Variants in AVEN observed in about 807,000 individuals in gnomAD.
AVEN encodes the protein apoptosis and caspase activation inhibitor.
In AVEN, 41 loss-of-function variants were observed where a neutral mutation model predicts 38.1. The observed-to-expected ratio is 1.08, with a 90% CI of 0.84 to 1.40. AVEN has a LOEUF of 1.40. Ranked by LOEUF, AVEN falls within the 40% of genes most tolerant of loss-of-function variation. AVEN has a pLI of 0.00. For missense variants in AVEN, 605 were observed against 438.8 expected, an observed-to-expected ratio of 1.38 and a Z score of -3.38; for synonymous variants, 206 against 171.8, an observed-to-expected ratio of 1.20 and a Z score of -1.56.
At chr15:34,040,525 C>T (rs1374908891), upstream of AVEN, among the ~76,000 whole-genome samples, 2 of 152,202 alleles carry the variant, frequency 1.3e-5, no homozygotes, top group African/African-American at 2.4e-5. Context: ...ATTCTACATA[C>T]TTCTCATATC....
At position 33,866,498 on chromosome 15, in the gene AVEN, G is replaced by C; in HGVS notation, c.*115C>G. 1 of 705,366 alleles carries C rather than the reference G, an allele frequency of 1.4e-6. No homozygotes were observed. Among genetic ancestry groups the C allele is most frequent in the South Asian group, 1.8e-5 (1 of 55,298 alleles). 43.7% of individuals were successfully genotyped at this position (705,366 alleles called of 1,614,324 possible). A position where few individuals can be genotyped will look rare whatever the true frequency, so the allele number is the denominator to read the frequency against. ...AGGCATTTACTGCTGTGAGCATAATGGAACACACTAGCTTGAGACATGCTT... is the reference window on the plus strand; with the variant it reads ...AGGCATTTACTGCTGTGAGCATAATCGAACACACTAGCTTGAGACATGCTT... On this transcript the variant is annotated 3_prime_UTR_variant, in exon 6 of 6. Transcript: ENST00000306730.
At chr15:33,912,989 G>A (rs1042422009) in intron 2 of AVEN, among the ~76,000 whole-genome samples, 2 of 151,176 alleles carry the variant, frequency 1.3e-5, no homozygotes, top group South Asian at 2.1e-4. Flanking sequence ...TCCTGGGTTC[G>A]AGTGATTCTC....
chr15:33,864,859 A>G, downstream of AVEN: 1 of 387,370 alleles, frequency 2.6e-6, no homozygotes, highest in Non-Finnish European at 4.6e-6. Context: ...ATCTTTAAGT[A>G]TGTTTAGTGG....
intron 2 of AVEN, among the ~76,000 whole-genome samples, chr15:33,937,451 T>C (rs994045321): frequency 1.3e-5 from 2 of 150,982 alleles, no homozygotes; most frequent in East Asian, 3.9e-4. Context: ...GAGAACGGCA[T>C]GAACCTGGGA....
intron 2 of AVEN, among the ~76,000 whole-genome samples, chr15:33,971,724 T>C (rs1228336134): frequency 6.6e-6 from 1 of 152,120 alleles, no homozygotes; most frequent in African/African-American, 2.4e-5. Flanking sequence ...ATTTTTTTCA[T>C]TCCATTATAA....
intron 1 of AVEN, among the ~76,000 whole-genome samples, chr15:34,035,774 G>A (rs1317765217): frequency 7.3e-6 from 1 of 136,180 alleles, no homozygotes; most frequent in African/African-American, 2.4e-5. Context: ...GCAGTGATAG[G>A]GGGATTATTT....
In AVEN at chr15:33,995,539, A is replaced by G. The variant is rs143803183; in HGVS notation, c.445+7493T>C. ...ACCATCCCTCTTGGATACCAAGGGAAAACTTTTGAGTCCTTAAGTCCTCAA... is the reference window on the plus strand; with the variant it reads ...ACCATCCCTCTTGGATACCAAGGGAGAACTTTTGAGTCCTTAAGTCCTCAA... On this transcript the variant is annotated intron_variant, in intron 2 of 5. Coordinates refer to ENST00000306730, the MANE Select transcript of AVEN (RefSeq NM_020371.3). Among the ~76,000 whole-genome samples, 8 of 152,298 alleles carry G rather than the reference A, an allele frequency of 5.3e-5. No individual in the cohort carries two copies. The East Asian group carries it at 1.5e-3, about 29-fold the overall frequency.
intron 1 of AVEN, among the ~76,000 whole-genome samples, chr15:34,018,029 C>T (rs2140699869): frequency 6.6e-6 from 1 of 152,280 alleles, no homozygotes; most frequent in South Asian, 2.1e-4. Context: ...CTACATAATA[C>T]TGACAATGAT....
intron 1 of AVEN, among the ~76,000 whole-genome samples, chr15:34,013,586 T>C (rs1258802037): frequency 6.6e-6 from 1 of 152,182 alleles, no homozygotes; most frequent in Non-Finnish European, 1.5e-5. Context: ...GGATCAGGCA[T>C]TGGGAATACA....
At chr15:33,864,562 T>G (rs553719106), downstream of AVEN, among the ~76,000 whole-genome samples, 1 of 151,248 alleles carries the variant, frequency 6.6e-6, no homozygotes, top group African/African-American at 2.4e-5. Context: ...AACGACCTCA[T>G]GTGTGGGTGA....
downstream of AVEN, chr15:33,858,037 C>A: frequency 1.6e-6 from 2 of 1,258,248 alleles, no homozygotes; most frequent in Non-Finnish European, 2.2e-6. Context: ...TTACAGAGCA[C>A]AGCAGAGATT....
chr15:33,942,412 C>T (rs1894350666), intron 2 of AVEN, among the ~76,000 whole-genome samples: 1 of 151,998 alleles, frequency 6.6e-6, no homozygotes, highest in Non-Finnish European at 1.5e-5. Flanking sequence ...TGAAGTTGTA[C>T]TTGGTAACAT....
downstream of AVEN, chr15:33,864,147 G>C: frequency 6.2e-7 from 1 of 1,611,538 alleles, no homozygotes; most frequent in Non-Finnish European, 8.5e-7. Context: ...GGTTCTTTCT[G>C]ATGTATTTGA....
At chr15:33,853,393 C>CT in the AVEN span, among the ~76,000 whole-genome samples, 1 of 152,174 alleles carries the variant, frequency 6.6e-6, no homozygotes, top group Non-Finnish European at 1.5e-5. Context: ...GTCTTCATTG[C>CT]TTTTTTCTCT....
At chr15:34,014,361 TC>T (rs1897773976) in intron 1 of AVEN, among the ~76,000 whole-genome samples, 1 of 87,874 alleles carries the variant, frequency 1.1e-5, no homozygotes, top group African/African-American at 5.2e-5. Flanking sequence ...CGAAACTCCA[TC>T]TCATTAAAAA....
At chr15:33,920,475 G>A (rs1229015071) in intron 2 of AVEN, among the ~76,000 whole-genome samples, 1 of 152,090 alleles carries the variant, frequency 6.6e-6, no homozygotes, top group Non-Finnish European at 1.5e-5. Flanking sequence ...CCCACTACTT[G>A]TTGTCAATAT....
At chr15:33,870,087 T>C (rs1188587173) in intron 4 of AVEN, among the ~76,000 whole-genome samples, 1 of 152,156 alleles carries the variant, frequency 6.6e-6, no homozygotes, top group African/African-American at 2.4e-5. Flanking sequence ...TACAAAGTCT[T>C]GAATTTTTTC....
chr15:33,989,574 GATGCCTTTCCTACCACA>G (rs1166016531), intron 2 of AVEN, among the ~76,000 whole-genome samples: 1 of 151,892 alleles, frequency 6.6e-6, no homozygotes, highest in Non-Finnish European at 1.5e-5. Flanking sequence ...CTACTGAAAA[GATGCCTTTCCTACCACA>G]ATACTAACAC....
intron 2 of AVEN, among the ~76,000 whole-genome samples, chr15:33,928,088 G>A (rs515435): frequency 0.69 from 104,984 of 152,096 alleles, 36,158 homozygotes; most frequent in East Asian, 0.75. Context: ...CAACCACCAC[G>A]TGGGTAAAAC....
Sources: gnomAD v4.1 joint callset for allele counts (sites outside exome capture counted in the v4.1 genomes callset) on GRCh38, gnomAD v4.1.1 for gene constraint, MANE v1.5 for transcripts, NCBI Gene and HGNC (gene_info 2026-07-23, HGNC 2026-07-21) for gene names.